ELP3: variants seen among roughly 807,000 people sequenced by gnomAD.
ELP3 encodes the protein elongator complex protein 3.
ELP3 carries 56 observed loss-of-function variants against 74.9 expected under a neutral mutation model. That is an observed-to-expected ratio of 0.75 (90% CI 0.60 to 0.93). The LOEUF is 0.93. Ranked by LOEUF, ELP3 falls within the 40% of genes least tolerant of loss-of-function variation. ELP3 has a pLI of 0.00. For synonymous variants in ELP3, 222 were observed against 239.8 expected, an observed-to-expected ratio of 0.93 and a Z score of 0.68; for missense variants, 573 against 686.5, an observed-to-expected ratio of 0.83 and a Z score of 1.85.
intron 9 of ELP3, among the ~76,000 whole-genome samples, chr8:28,135,960 C>CT (rs1174760093): frequency 0.015 from 2,147 of 141,048 alleles, 25 homozygotes; most frequent in African/African-American, 0.032. Context: ...TTTCCTGTTC[C>CT]TTTTTTTTTT....
Position 28,160,210 on chromosome 8 carries a change from G to A in ELP3, c.1258-19G>A, listed in dbSNP as rs765146355. 1 of 1,590,012 alleles carries A rather than the reference G, an allele frequency of 6.3e-7. No homozygotes were observed. On this transcript the variant is annotated intron_variant, in intron 12 of 14. Coordinates refer to ENST00000256398, the MANE Select transcript of ELP3 (RefSeq NM_018091.6). ...TCTTTAATTTTGAATAATATTTTTTGTGGCTTTTTACTAAATAGGTTGAAT... is the reference window on the plus strand; with the variant it reads ...TCTTTAATTTTGAATAATATTTTTTATGGCTTTTTACTAAATAGGTTGAAT...
At chr8:28,111,886 T>A (rs1468858337) in intron 6 of ELP3, among the ~76,000 whole-genome samples, 4 of 152,196 alleles carry the variant, frequency 2.6e-5, no homozygotes, top group African/African-American at 7.2e-5. Flanking sequence ...AAGATATTTT[T>A]AAAAACTACC....
rs961056642 is a variant in ELP3 at position 28,181,959 on chromosome 8, CTTTG to C, written c.1568-7674_1568-7671del. ...AGTCACTTAGCTATCAAGTGGTTTT[CTTTG>C]TTTGTTTGTTTGTTTTGAGATGGAG... On this transcript the variant is annotated intron_variant, in intron 14 of 14. Coordinates refer to ENST00000256398, the MANE Select transcript of ELP3 (RefSeq NM_018091.6). Among the ~76,000 whole-genome samples the C allele has an allele frequency of 3.5e-3, 401 of 115,566 alleles. 1 individual carries two copies. The highest frequency in any genetic ancestry group is 0.012 in the African/African-American group (380 of 32,686). 75.8% of individuals were successfully genotyped at this position (115,566 alleles called of 152,430 possible).
intron 10 of ELP3, among the ~76,000 whole-genome samples, chr8:28,153,806 T>G (rs1335649670): frequency 2.0e-5 from 3 of 152,140 alleles, no homozygotes; most frequent in Non-Finnish European, 4.4e-5. Flanking sequence ...GATGCCTCTT[T>G]TAAGGGTTTG....
Position 28,162,007 on chromosome 8 carries a change from T to C in ELP3, c.1496T>C (p.Met499Thr), listed in dbSNP as rs1043486580. 1.2e-6 allele frequency: 2 copies of C among 1,614,064 alleles called. No individual in the cohort carries two copies. Among genetic ancestry groups the C allele is most frequent in the African/African-American group, 2.7e-5 (2 of 74,938 alleles). Residue 499 changes from methionine to threonine, a missense_variant, in exon 14 of 15, where the codon ATG (methionine) becomes ACG (threonine). Coordinates refer to ENST00000256398, the MANE Select transcript of ELP3 (RefSeq NM_018091.6). ...TGTTGCTCCGTGCAGGGATTTGGCA[T>C]GCTGCTGATGGAGGAAGCAGAAAGA... ...PTKFQHQGFG[M>T]LLMEEAERIA...
intron 3 of ELP3, among the ~76,000 whole-genome samples, chr8:28,103,910 G>A (rs1358719844): frequency 6.6e-6 from 1 of 152,130 alleles, no homozygotes; most frequent in East Asian, 1.9e-4. Flanking sequence ...TGTGTTTTTT[G>A]TAGAGACAGG....
At chr8:28,140,075 C>T (rs1178668967) in intron 10 of ELP3, among the ~76,000 whole-genome samples, 1 of 151,554 alleles carries the variant, frequency 6.6e-6, no homozygotes, top group Non-Finnish European at 1.5e-5. Context: ...AGTCCTAGAA[C>T]CAATCCCCTT....
At chr8:28,182,176 C>T (rs894185696) in intron 14 of ELP3, among the ~76,000 whole-genome samples, 12 of 152,134 alleles carry the variant, frequency 7.9e-5, no homozygotes, top group Middle Eastern at 3.4e-3. Flanking sequence ...TCAGTGAACT[C>T]AGGTACCACA....
chr8:28,180,263 A>C (rs1177199683), intron 14 of ELP3, among the ~76,000 whole-genome samples: 1 of 152,076 alleles, frequency 6.6e-6, no homozygotes, highest in Non-Finnish European at 1.5e-5. Flanking sequence ...CTCCAGTTAA[A>C]CATATTTTAG....
intron 7 of ELP3, among the ~76,000 whole-genome samples, chr8:28,121,665 C>T (rs370002285): frequency 5.3e-5 from 8 of 152,230 alleles, no homozygotes; most frequent in East Asian, 3.9e-4. Flanking sequence ...TATATACATA[C>T]GGTTGATTTT....
intron 10 of ELP3, among the ~76,000 whole-genome samples, chr8:28,148,333 G>A (rs1287243615): frequency 6.6e-6 from 1 of 152,216 alleles, no homozygotes; most frequent in African/African-American, 2.4e-5. Context: ...TTACTCAGAT[G>A]TAAAGGGGGA....
chr8:28,129,413 A>C, intron 7 of ELP3, 89 bp from the exon 8 acceptor site: 1 of 1,360,490 alleles, frequency 7.4e-7, no homozygotes, highest in East Asian at 2.3e-5. Flanking sequence ...ACTATCTCAT[A>C]CTAGGAGGAC....
intron 7 of ELP3, among the ~76,000 whole-genome samples, chr8:28,120,882 A>G (rs1371419624): frequency 2.0e-5 from 3 of 152,184 alleles, no homozygotes; most frequent in Admixed American, 6.5e-5. Context: ...TTTCTGTTTC[A>G]TCGATCTGTT....
Position 28,188,207 on chromosome 8 carries a change from A to G in ELP3, c.1568-1442A>G, listed in dbSNP as rs145781664. Among the ~76,000 whole-genome samples, 167 of 152,352 alleles carry G rather than the reference A, an allele frequency of 1.1e-3. 2 individuals are homozygous for G. Among genetic ancestry groups the G allele is most frequent in the African/African-American group, 3.9e-3 (162 of 41,584 alleles). On this transcript the variant is annotated intron_variant, in intron 14 of 14. Transcript: ENST00000256398. ...GGGCTGTTTGAGGAATGCGTCCAAT[A>G]TGCAGGGGTAATGGACCTTTAGTAC... is the stretch of plus-strand genomic sequence containing the variant.
intron 12 of ELP3, among the ~76,000 whole-genome samples, chr8:28,159,920 G>A (rs1814000299): frequency 6.6e-6 from 1 of 152,190 alleles, no homozygotes; most frequent in Non-Finnish European, 1.5e-5. Flanking sequence ...TACATTAAGA[G>A]ACTCTTCATG....
intron 14 of ELP3, among the ~76,000 whole-genome samples, chr8:28,168,445 A>G (rs567968132): frequency 6.6e-6 from 1 of 152,318 alleles, no homozygotes; most frequent in African/African-American, 2.4e-5. Flanking sequence ...ACAACAGCAC[A>G]TTTGTAGACT....
intron 14 of ELP3, among the ~76,000 whole-genome samples, chr8:28,164,010 A>G (rs1211861346): frequency 6.6e-6 from 1 of 152,168 alleles, no homozygotes; most frequent in African/African-American, 2.4e-5. Context: ...ACGCTCTGTG[A>G]TCCTTGCAGT....
intron 10 of ELP3, among the ~76,000 whole-genome samples, chr8:28,140,535 C>G (rs1320025866): frequency 6.6e-6 from 1 of 152,158 alleles, no homozygotes. Context: ...AAATCCAATA[C>G]TGGCATTTTC....
At position 28,168,439 on chromosome 8, in the gene ELP3, C is replaced by T. The variant is rs1814394298; in HGVS notation, c.1567+6361C>T. ...TCCAGCCTTGCCAGTGTAGACACAACAGCACATTTGTAGACTTTTTGTCCC... is the reference window on the plus strand; with the variant it reads ...TCCAGCCTTGCCAGTGTAGACACAATAGCACATTTGTAGACTTTTTGTCCC... On this transcript the variant is annotated intron_variant, in intron 14 of 14. Coordinates refer to ENST00000256398, the MANE Select transcript of ELP3 (RefSeq NM_018091.6). 2.0e-5 allele frequency among the ~76,000 whole-genome samples: 3 copies of T among 152,170 alleles called. No individual in the cohort carries two copies. The South Asian group carries it at 6.2e-4, about 32-fold the overall frequency.
Sources: gnomAD v4.1 joint callset for allele counts (sites outside exome capture counted in the v4.1 genomes callset) on GRCh38, gnomAD v4.1.1 for gene constraint, MANE v1.5 for transcripts, NCBI Gene and HGNC (gene_info 2026-07-23, HGNC 2026-07-21) for gene names.